MTAP: variants seen among roughly 807,000 people sequenced by gnomAD.
MTAP encodes the protein methylthioadenosine phosphorylase, also known as S-methyl-5'-thioadenosine phosphorylase.
Under a neutral mutation model 33.6 loss-of-function variants are expected in MTAP, and 33 were observed. The ratio of observed to expected loss-of-function variants is 0.98; its 90% CI spans 0.74 to 1.31. MTAP has a LOEUF of 1.31. Among genes scored for constraint, MTAP ranks in the 40% most tolerant of loss-of-function variants. The pLI is 0.00. For missense variants in MTAP, 367 were observed against 360.0 expected, an observed-to-expected ratio of 1.02 and a Z score of -0.16; for synonymous variants, 148 against 125.7, an observed-to-expected ratio of 1.18 and a Z score of -1.19.
At chr9:21,934,013 C>G (rs922784880), downstream of MTAP, 2 of 152,146 alleles carry the variant, frequency 1.3e-5, no homozygotes, top group African/African-American at 4.8e-5. This position sits in a 1 kb window ranked among gnomAD's most constrained non-coding sequence, Gnocchi z 5.0. Flanking sequence ...TTTAATTGAG[C>G]AATGAATGAT....
intron 4 of MTAP, among the ~76,000 whole-genome samples, chr9:21,819,748 T>G (rs943073330): frequency 3.9e-5 from 6 of 152,188 alleles, no homozygotes; most frequent in African/African-American, 1.4e-4. Context: ...CTAGTTCACC[T>G]TCCCACCAGC....
intron 1 of MTAP, among the ~76,000 whole-genome samples, chr9:21,897,229 C>T (rs1167274517): frequency 6.6e-6 from 1 of 152,136 alleles, no homozygotes; most frequent in Non-Finnish European, 1.5e-5. Context: ...TGGGATGTAT[C>T]TCAAAATGAT....
intron 4 of MTAP, among the ~76,000 whole-genome samples, chr9:21,828,512 A>G (rs938586028): frequency 2.6e-5 from 4 of 152,116 alleles, no homozygotes; most frequent in South Asian, 4.1e-4. Flanking sequence ...CGTCTTTACT[A>G]AAAATACAAA....
At chr9:21,805,159 C>T (rs1464288475) in intron 1 of MTAP, among the ~76,000 whole-genome samples, 4 of 152,010 alleles carry the variant, frequency 2.6e-5, no homozygotes, top group Non-Finnish European at 5.9e-5. Context: ...GTTCCAGGTA[C>T]TCCTTTAATG....
intron 4 of MTAP, among the ~76,000 whole-genome samples, chr9:21,834,679 CAT>C (rs1180429626): frequency 6.6e-6 from 1 of 152,202 alleles, no homozygotes; most frequent in Admixed American, 6.5e-5. Flanking sequence ...TGTGAGGACT[CAT>C]GTGAAGACAT....
intron 1 of MTAP, among the ~76,000 whole-genome samples, chr9:21,880,538 TAAAC>T (rs1053951160): frequency 3.3e-5 from 5 of 152,026 alleles, no homozygotes; most frequent in African/African-American, 1.2e-4. Context: ...CTAGAACTAA[TAAAC>T]AAGCTCAGCA....
downstream of MTAP, among the ~76,000 whole-genome samples, chr9:21,870,799 A>G (rs1825924481): frequency 7.7e-6 from 1 of 129,482 alleles, no homozygotes; most frequent in African/African-American, 3.0e-5. Flanking sequence ...TTTTTTTGAG[A>G]TGGATTCTCT....
chr9:21,807,333 G>T (rs1303710370), intron 1 of MTAP, among the ~76,000 whole-genome samples: 1 of 152,284 alleles, frequency 6.6e-6, no homozygotes, highest in East Asian at 1.9e-4. Flanking sequence ...TCCCTGCTTT[G>T]CTGTCTTGAG....
chr9:21,865,359 C>A lies in MTAP; in HGVS notation c.*3345C>A, dbSNP rs1825836651. On this transcript the variant is annotated 3_prime_UTR_variant, in exon 8 of 8. Coordinates refer to ENST00000644715, the MANE Select transcript of MTAP (RefSeq NM_002451.4). ...CTGAGGCCTTCCCAGCTATGTGGAACTGTGAGTTAATTAAACCTCTTTCCT... is the reference window on the plus strand; with the variant it reads ...CTGAGGCCTTCCCAGCTATGTGGAAATGTGAGTTAATTAAACCTCTTTCCT... 1 of 842,620 alleles carries A rather than the reference C, an allele frequency of 1.2e-6. No homozygotes were observed. Among genetic ancestry groups the A allele is most frequent in the Non-Finnish European group, 1.4e-6 (1 of 699,826 alleles). The allele number at this position is 842,620 out of a possible 1,614,324, so 52.2% of individuals were successfully genotyped here.
intron 5 of MTAP, among the ~76,000 whole-genome samples, chr9:21,850,024 G>GT (rs1825474193): frequency 6.6e-6 from 1 of 152,206 alleles, no homozygotes; most frequent in African/African-American, 2.4e-5. Flanking sequence ...CAACTCTTCA[G>GT]TTTTGTGTCA....
chr9:21,826,021 T>C (rs1824788830), intron 4 of MTAP, among the ~76,000 whole-genome samples: 2 of 152,198 alleles, frequency 1.3e-5, no homozygotes, highest in Admixed American at 1.3e-4. Flanking sequence ...TTTAGTTTCC[T>C]TACGTATTTT....
chr9:21,939,541 T>C (rs1159548769), downstream of MTAP, among the ~76,000 whole-genome samples: 3 of 152,140 alleles, frequency 2.0e-5, no homozygotes, highest in Non-Finnish European at 4.4e-5. Context: ...TCCAAGGCAA[T>C]ATAGTTATAT....
In MTAP at chr9:21,929,484, C is replaced by T. The variant is rs1427307578; in HGVS notation, c.148-1524C>T. 3 of 234,928 alleles carry T rather than the reference C, an allele frequency of 1.3e-5. No homozygotes were observed. In the South Asian group the frequency reaches 2.0e-4, roughly 16 times the overall value. 14.6% of individuals were successfully genotyped at this position (234,928 alleles called of 1,614,324 possible). A position where few individuals can be genotyped will look rare whatever the true frequency, so the allele number is the denominator to read the frequency against. ...CTCTGCTCCTGTTGGTTCTCATACT[C>T]AACGCTTTACTGGCAGCACACTGCC... On this transcript the variant is annotated intron_variant, in intron 1 of 1. Coordinates refer to the MTAP transcript ENST00000577563.
chr9:21,844,993 T>C (rs1020562901), intron 5 of MTAP, among the ~76,000 whole-genome samples: 1 of 147,874 alleles, frequency 6.8e-6, no homozygotes, highest in African/African-American at 2.5e-5. Context: ...ATCACGCCAC[T>C]GCACTCCAGC....
chr9:21,940,157 A>G (rs1819113547), downstream of MTAP, among the ~76,000 whole-genome samples: 1 of 152,188 alleles, frequency 6.6e-6, no homozygotes, highest in South Asian at 2.1e-4. Context: ...GAATTCACCC[A>G]AAATTATAGG....
chr9:21,811,956 G>A (rs1824361391), intron 1 of MTAP: 1 of 325,420 alleles, frequency 3.1e-6, no homozygotes, highest in Non-Finnish European at 6.1e-6. Flanking sequence ...CATATTTTGG[G>A]CATTAAGCAT....
At chr9:21,921,842 A>C (rs563864609) in intron 1 of MTAP, among the ~76,000 whole-genome samples, 117 of 152,204 alleles carry the variant, frequency 7.7e-4, no homozygotes, top group African/African-American at 2.4e-3. Context: ...TTAGCCAGGC[A>C]TGGTGGCACA....
At chr9:21,844,764 G>A (rs1825334415) in intron 5 of MTAP, among the ~76,000 whole-genome samples, 1 of 152,196 alleles carries the variant, frequency 6.6e-6, no homozygotes, top group African/African-American at 2.4e-5. Context: ...GCTGGGCACG[G>A]TGGCTCACAC....
chr9:21,824,221 A>G (rs1225229918), intron 4 of MTAP, among the ~76,000 whole-genome samples: 1 of 151,936 alleles, frequency 6.6e-6, no homozygotes, highest in Non-Finnish European at 1.5e-5. Context: ...TTTTTTCCCC[A>G]TCTTTGTGGT....
Sources: gnomAD v4.1 joint callset for allele counts (sites outside exome capture counted in the v4.1 genomes callset) on GRCh38, gnomAD v4.1.1 for gene constraint, Gnocchi (gnomAD v3.1) non-coding constraint, MANE v1.5 for transcripts, NCBI Gene and HGNC (gene_info 2026-07-23, HGNC 2026-07-21) for gene names.